Variants in PID1 observed in about 807,000 individuals in gnomAD.
The protein encoded by PID1 is phosphotyrosine interaction domain containing 1.
In PID1, 10 loss-of-function variants were observed where a neutral mutation model predicts 19.1. The observed-to-expected ratio is 0.52, with a 90% CI of 0.32 to 0.89. PID1 has a LOEUF of 0.89. Among genes scored for constraint, PID1 ranks in the 40% least tolerant of loss-of-function variants. The pLI is 0.03. For synonymous variants in PID1, 130 were observed against 116.0 expected, an observed-to-expected ratio of 1.12 and a Z score of -0.78; for missense variants, 248 against 285.3, an observed-to-expected ratio of 0.87 and a Z score of 0.94.
chr2:229,092,393 C>T (rs538351324), intron 2 of PID1, among the ~76,000 whole-genome samples: 3 of 152,270 alleles, frequency 2.0e-5, no homozygotes, highest in African/African-American at 7.2e-5. Context: ...CAACTAACTA[C>T]CCAATCCTTG....
chr2:229,153,831 A>G (rs996296924), intron 2 of PID1, among the ~76,000 whole-genome samples: 4 of 152,098 alleles, frequency 2.6e-5, no homozygotes, highest in Admixed American at 1.3e-4. Context: ...TTCCCGTTTT[A>G]AACATACTTT....
intron 2 of PID1, among the ~76,000 whole-genome samples, chr2:229,115,882 C>T (rs996151084): frequency 6.6e-6 from 1 of 152,098 alleles, no homozygotes; most frequent in Admixed American, 6.6e-5. Context: ...TTTTTAATTG[C>T]TTCATGGGTT....
At position 229,125,698 on chromosome 2, in the gene PID1, G is replaced by C. The variant is rs137984746; in HGVS notation, c.177+30120C>G. Among the ~76,000 whole-genome samples, 500 of 152,204 alleles carry C rather than the reference G, an allele frequency of 3.3e-3. 2 individuals carry two copies. Among genetic ancestry groups the C allele is most frequent in the African/African-American group, 0.012 (483 of 41,518 alleles). On this transcript the variant is annotated intron_variant, in intron 2 of 2. Coordinates refer to ENST00000392055, the MANE Select transcript of PID1 (RefSeq NM_001100818.2). Reference sequence around the variant, plus strand: ...AATAAAATAAAAGATGAGGATACACGGTTTTGCTGAAAATCTTCCCATTCC... The same window carrying C: ...AATAAAATAAAAGATGAGGATACACCGTTTTGCTGAAAATCTTCCCATTCC...
At chr2:229,265,469 T>C (rs1038345696) in intron 1 of PID1, among the ~76,000 whole-genome samples, 4 of 152,244 alleles carry the variant, frequency 2.6e-5, no homozygotes, top group African/African-American at 9.6e-5. Context: ...TATCACTGAT[T>C]AGCAGCTAAA....
At chr2:229,233,318 A>G (rs998350279) in intron 1 of PID1, among the ~76,000 whole-genome samples, 1 of 151,900 alleles carries the variant, frequency 6.6e-6, no homozygotes, top group African/African-American at 2.4e-5. Context: ...ATATGAGAAC[A>G]TTTAGAAGCT....
In PID1 at chr2:229,207,737, C is replaced by T. The variant is rs115292749; in HGVS notation, c.31-51773G>A. On this transcript the variant is annotated intron_variant, in intron 1 of 2. Coordinates refer to ENST00000392055, the MANE Select transcript of PID1 (RefSeq NM_001100818.2). The stretch of plus-strand genomic sequence containing the variant: ...AGGCTTGAGATTTCAGTTTAGAATC[C>T]GTGTTTTCAAATGCCTCCCTAGCAA... 7.1e-3 allele frequency among the ~76,000 whole-genome samples: 1,077 copies of T among 151,926 alleles called. 13 individuals are homozygous for T. The highest frequency in any genetic ancestry group is 0.025 in the African/African-American group (1,026 of 41,402).
chr2:229,267,071 G>C (rs1690609235), intron 1 of PID1, among the ~76,000 whole-genome samples: 2 of 152,236 alleles, frequency 1.3e-5, no homozygotes, highest in Non-Finnish European at 2.9e-5. Flanking sequence ...CTACCAGATA[G>C]GACAAGGCAG....
intron 1 of PID1, among the ~76,000 whole-genome samples, chr2:229,175,831 C>T (rs1326384173): frequency 6.6e-6 from 1 of 152,190 alleles, no homozygotes. Flanking sequence ...TCATTGCATC[C>T]ATTCGCCACA....
At chr2:229,264,318 A>C (rs1030699494) in intron 1 of PID1, among the ~76,000 whole-genome samples, 2 of 152,198 alleles carry the variant, frequency 1.3e-5, no homozygotes, top group Non-Finnish European at 2.9e-5. Flanking sequence ...CTACATTTAT[A>C]ACATGAGAGA....
At chr2:229,062,669 T>C (rs1363263480) in intron 2 of PID1, among the ~76,000 whole-genome samples, 5 of 151,958 alleles carry the variant, frequency 3.3e-5, no homozygotes, top group Non-Finnish European at 5.9e-5. Flanking sequence ...ATGAAAGTAT[T>C]CCTTCTTCAA....
intron 1 of PID1, among the ~76,000 whole-genome samples, chr2:229,157,008 C>T (rs572289403): frequency 1.2e-4 from 18 of 152,280 alleles, no homozygotes; most frequent in African/African-American, 3.6e-4. Flanking sequence ...GATCAAATGT[C>T]ACCTCATGAG....
chr2:229,212,255 G>A (rs977492125), intron 1 of PID1, among the ~76,000 whole-genome samples: 3 of 152,198 alleles, frequency 2.0e-5, no homozygotes, highest in African/African-American at 4.8e-5. Context: ...GCATCTAAAA[G>A]TTTCTTCTGG....
intron 2 of PID1, among the ~76,000 whole-genome samples, chr2:229,138,455 T>C (rs1372020869): frequency 6.6e-6 from 1 of 152,032 alleles, no homozygotes; most frequent in Non-Finnish European, 1.5e-5. Context: ...AAAATACCCA[T>C]TTGACTTGGG....
chr2:229,270,546 C>T (rs756283017), intron 1 of PID1, among the ~76,000 whole-genome samples: 3 of 150,974 alleles, frequency 2.0e-5, no homozygotes, highest in Non-Finnish European at 4.4e-5. Context: ...AAATAAGTAG[C>T]ATACCATGAC....
Position 229,271,093 on chromosome 2 carries a change from G to C in PID1, c.-50C>G, listed in dbSNP as rs1292735591. 3.9e-6 allele frequency: 6 copies of C among 1,532,476 alleles called. No individual in the cohort carries two copies. The highest frequency in any genetic ancestry group is 5.3e-6 in the Non-Finnish European group (6 of 1,137,224). 94.9% of individuals were successfully genotyped at this position (1,532,476 alleles called of 1,614,324 possible). ...GGAGACGCTGGCGAGACTGTCGATC[G>C]CGCCGGGGGGCGAGGGGCTGGGGTC... On this transcript the variant is annotated 5_prime_UTR_variant, in exon 1 of 3. Coordinates refer to ENST00000392055, the MANE Select transcript of PID1 (RefSeq NM_001100818.2).
At chr2:229,097,798 A>G (rs1695000155) in intron 2 of PID1, among the ~76,000 whole-genome samples, 1 of 152,186 alleles carries the variant, frequency 6.6e-6, no homozygotes. Flanking sequence ...GATAATGAAT[A>G]GGACTTGCAC....
chr2:229,180,575 T>A (rs1442876643), intron 1 of PID1, among the ~76,000 whole-genome samples: 1 of 152,174 alleles, frequency 6.6e-6, no homozygotes, highest in African/African-American at 2.4e-5. Flanking sequence ...ACCTGCTGGA[T>A]CAGAATCTCT....
intron 2 of PID1, among the ~76,000 whole-genome samples, chr2:229,141,322 G>C (rs1690006895): frequency 6.6e-6 from 1 of 151,994 alleles, no homozygotes; most frequent in Non-Finnish European, 1.5e-5. Context: ...GGATTGTTGG[G>C]GATGGGGCTG....
At chr2:229,109,098 T>G (rs1348729339) in intron 2 of PID1, among the ~76,000 whole-genome samples, 1 of 152,168 alleles carries the variant, frequency 6.6e-6, no homozygotes, top group Non-Finnish European at 1.5e-5. Context: ...TATCGAGACT[T>G]TTAGGTGATT....
Sources: allele counts gnomAD v4.1 joint callset (sites outside exome capture counted in the v4.1 genomes callset), GRCh38; gene constraint gnomAD v4.1.1; transcripts MANE v1.5; gene names NCBI Gene and HGNC (gene_info 2026-07-23, HGNC 2026-07-21).